ADGRL4: variants seen among roughly 807,000 people sequenced by gnomAD.
ADGRL4 encodes the protein EGF, latrophilin and seven transmembrane domain containing 1.
In ADGRL4, 90 loss-of-function variants were observed where a neutral mutation model predicts 74.8. The observed-to-expected ratio is 1.20, with a 90% CI of 1.02 to 1.43. ADGRL4 has a LOEUF of 1.43. Among genes scored for constraint, ADGRL4 ranks in the 40% most tolerant of loss-of-function variants. ADGRL4 has a pLI of 0.00. For synonymous variants in ADGRL4, 311 were observed against 279.2 expected (o/e 1.11, Z -1.14); for missense variants, 881 against 814.3 (o/e 1.08, Z -1.00).
intron 2 of ADGRL4, among the ~76,000 whole-genome samples, chr1:78,984,382 A>G (rs1650454083): frequency 6.6e-6 from 1 of 151,750 alleles, no homozygotes; most frequent in African/African-American, 2.4e-5. Flanking sequence ...CTAAAATTAG[A>G]ACTAAAAGGA....
chr1:78,942,419 A>T (rs1334369614), intron 3 of ADGRL4, among the ~76,000 whole-genome samples: 1 of 152,088 alleles, frequency 6.6e-6, no homozygotes, highest in Non-Finnish European at 1.5e-5. Context: ...CTAGGTTACC[A>T]TGTCTTGGTA....
intron 12 of ADGRL4, among the ~76,000 whole-genome samples, chr1:78,896,936 C>T (rs1648411501): frequency 6.6e-6 from 1 of 152,132 alleles, no homozygotes; most frequent in Non-Finnish European, 1.5e-5. Flanking sequence ...TGCACCATGC[C>T]ATAGGGCAGT....
chr1:78,910,786 A>G (rs1214530868), intron 12 of ADGRL4, among the ~76,000 whole-genome samples: 1 of 151,810 alleles, frequency 6.6e-6, no homozygotes, highest in Non-Finnish European at 1.5e-5. Flanking sequence ...AAAAAGCAAG[A>G]CTAGGCCTTT....
At chr1:78,930,737 C>A (rs1045913254) in intron 7 of ADGRL4, among the ~76,000 whole-genome samples, 3 of 151,390 alleles carry the variant, frequency 2.0e-5, no homozygotes, top group East Asian at 3.9e-4. Flanking sequence ...GCGCGAGCCA[C>A]CGTGCTTGGT....
chr1:78,990,051 G>A (rs926422663), intron 2 of ADGRL4, among the ~76,000 whole-genome samples: 1 of 151,814 alleles, frequency 6.6e-6, no homozygotes. Context: ...GATCAATCTT[G>A]ATTGAAATCA....
At chr1:78,973,592 AT>A (rs1457675229) in intron 2 of ADGRL4, among the ~76,000 whole-genome samples, 2 of 149,752 alleles carry the variant, frequency 1.3e-5, no homozygotes, top group Non-Finnish European at 3.0e-5. Context: ...AAATAAGTAA[AT>A]TGGTAATATA....
intron 2 of ADGRL4, among the ~76,000 whole-genome samples, chr1:78,965,946 A>G (rs76186411): frequency 0.014 from 2,140 of 152,158 alleles, 50 homozygotes; most frequent in African/African-American, 0.049. Context: ...TCTTCAATGA[A>G]AAAGTAAGGT....
In ADGRL4 at chr1:78,946,440, A is replaced by T; in HGVS notation, c.173-14T>A. ...ATTCATTATCATCTGTTGGCATATGAATTTAAAAGATTATTTTTATATAAT... is the reference window on the plus strand; with the variant it reads ...ATTCATTATCATCTGTTGGCATATGTATTTAAAAGATTATTTTTATATAAT... On this transcript the variant is annotated splice_polypyrimidine_tract_variant and intron_variant, in intron 2 of 14. Coordinates refer to ENST00000370742, the MANE Select transcript of ADGRL4 (RefSeq NM_022159.4). 1 of 1,581,660 alleles carries T rather than the reference A, an allele frequency of 6.3e-7. No individual in the cohort carries two copies. The highest frequency in any genetic ancestry group is 8.6e-7 in the Non-Finnish European group (1 of 1,164,828).
chr1:78,932,120 A>C (rs1649256160), intron 7 of ADGRL4, among the ~76,000 whole-genome samples: 1 of 151,584 alleles, frequency 6.6e-6, no homozygotes, highest in African/African-American at 2.4e-5. Context: ...AATCAACAGA[A>C]TATGCATTCT....
chr1:78,943,522 A>G (rs192493062), intron 3 of ADGRL4, among the ~76,000 whole-genome samples: 29 of 152,326 alleles, frequency 1.9e-4, no homozygotes, highest in Admixed American at 1.4e-3. Flanking sequence ...TTTTGCTTGG[A>G]TTATTTCTTG....
chr1:78,933,329 C>G (rs1649285312), intron 7 of ADGRL4, among the ~76,000 whole-genome samples: 1 of 151,344 alleles, frequency 6.6e-6, no homozygotes, highest in South Asian at 2.1e-4. Flanking sequence ...AGACAAAAAC[C>G]ACATGATCAT....
chr1:78,939,278 A>G lies in ADGRL4; in HGVS notation c.326-20T>C, dbSNP rs1275802746. 5.8e-6 allele frequency: 9 copies of G among 1,546,378 alleles called. No homozygotes were observed. Among genetic ancestry groups the G allele is most frequent in the Non-Finnish European group, 7.8e-6 (9 of 1,146,892 alleles). On this transcript the variant is annotated intron_variant, in intron 3 of 14. Transcript: ENST00000370742. ...CATTTTCTGTAAAAAAAGAAAATAGATTATACAGTCAGTTTTAAAAAGTAT... is the reference window on the plus strand; with the variant it reads ...CATTTTCTGTAAAAAAAGAAAATAGGTTATACAGTCAGTTTTAAAAAGTAT...
intron 12 of ADGRL4, among the ~76,000 whole-genome samples, chr1:78,911,025 T>C (rs1648752150): frequency 1.3e-5 from 2 of 151,868 alleles, no homozygotes; most frequent in Admixed American, 6.6e-5. Flanking sequence ...TGAAACAACA[T>C]ACATAATAAT....
chr1:78,907,638 G>A (rs1323082852), intron 12 of ADGRL4, among the ~76,000 whole-genome samples: 1 of 151,944 alleles, frequency 6.6e-6, no homozygotes, highest in African/African-American at 2.4e-5. Context: ...GACTTTCCTT[G>A]GAAAGTGTTG....
chr1:78,998,237 C>G (rs1165520938), intron 2 of ADGRL4, among the ~76,000 whole-genome samples: 1 of 144,818 alleles, frequency 6.9e-6, no homozygotes, highest in African/African-American at 2.6e-5. Flanking sequence ...CTCATGGCCT[C>G]CCTCTGATTT....
chr1:78,912,091 A>G (rs914047935), intron 12 of ADGRL4, among the ~76,000 whole-genome samples: 1 of 151,874 alleles, frequency 6.6e-6, no homozygotes, highest in Admixed American at 6.6e-5. Flanking sequence ...AGAGGTTCCA[A>G]TGTGAATGCA....
intron 1 of ADGRL4, 67 bp downstream of exon 1, chr1:79,006,566 A>C: frequency 6.6e-7 from 1 of 1,523,720 alleles, no homozygotes; most frequent in Non-Finnish European, 8.8e-7. Flanking sequence ...CCTCTTAAAA[A>C]ATCCAGTCCC....
chr1:78,911,804 A>T (rs1648768480), intron 12 of ADGRL4, among the ~76,000 whole-genome samples: 1 of 151,924 alleles, frequency 6.6e-6, no homozygotes, highest in Non-Finnish European at 1.5e-5. Context: ...ATTGTTAAAA[A>T]ATAAGTTAAA....
chr1:78,975,960 C>G (rs1023192240), intron 2 of ADGRL4, among the ~76,000 whole-genome samples: 5 of 151,840 alleles, frequency 3.3e-5, no homozygotes, highest in Non-Finnish European at 1.5e-5. Flanking sequence ...TACTGGACAA[C>G]AGTCATCAAA....
Sources: allele counts gnomAD v4.1 joint callset (sites outside exome capture counted in the v4.1 genomes callset), GRCh38; gene constraint gnomAD v4.1.1; transcripts MANE v1.5; gene names NCBI Gene and HGNC (gene_info 2026-07-23, HGNC 2026-07-21).